The following VPS8 variants were observed in gnomAD, a reference collection of about 807,000 sequenced individuals.
VPS8 encodes VPS8 subunit of CORVET complex, also known as vacuolar protein sorting-associated protein 8 homolog.
In VPS8, 129 loss-of-function variants were observed where a neutral mutation model predicts 216.4. The ratio of observed to expected loss-of-function variants is 0.60; its 90% CI spans 0.52 to 0.69. The LOEUF is 0.69. VPS8 is among the 30% of genes least tolerant of loss of function. The probability of loss-of-function intolerance (pLI) is 0.00; values close to 1 mark genes in which losing one functional copy is unlikely to be tolerated. For missense variants in VPS8, 1,531 were observed against 1,683.5 expected (o/e 0.91, Z 1.59); for synonymous variants, 571 against 565.4 (o/e 1.01, Z -0.14).
At chr3:184,882,245 C>T (rs1356382422) in intron 21 of VPS8, 12 of 356,612 alleles carry the variant, frequency 3.4e-5, no homozygotes, top group East Asian at 1.5e-4. Flanking sequence ...AGGAAGTTCC[C>T]CTCTATTACA....
intron 46 of VPS8, among the ~76,000 whole-genome samples, chr3:185,037,553 T>C (rs1759085037): frequency 6.6e-6 from 1 of 152,206 alleles, no homozygotes; most frequent in African/African-American, 2.4e-5. Flanking sequence ...TATTAAAATA[T>C]TTTCACTCTC....
chr3:184,819,779 A>G lies in VPS8; in HGVS notation c.-88-4766A>G, dbSNP rs1054321358. 3.9e-5 allele frequency among the ~76,000 whole-genome samples: 6 copies of G among 152,218 alleles called. No homozygotes were observed. The South Asian group carries it at 6.2e-4, about 16-fold the overall frequency. The stretch of plus-strand genomic sequence containing the variant: ...TCTGAGTACAACTTGTGACTCCCCA[A>G]AAACTTTACTACTACTACCTACTGT... On this transcript the variant is annotated intron_variant, in intron 1 of 47. Coordinates refer to ENST00000625842, the MANE Select transcript of VPS8 (RefSeq NM_001009921.3).
At chr3:184,958,385 CA>C (rs954644054) in intron 37 of VPS8, among the ~76,000 whole-genome samples, 2 of 152,018 alleles carry the variant, frequency 1.3e-5, no homozygotes, top group African/African-American at 4.8e-5. Flanking sequence ...TCTATAGAAA[CA>C]AAAAGGAAAC....
In VPS8 at chr3:184,999,804, A is replaced by G. The variant is rs974896093; in HGVS notation, c.3945A>G (p.Val1315=). The G allele has an allele frequency of 2.5e-6, 4 of 1,612,616 alleles. No homozygotes were observed. The African/African-American group carries it at 5.3e-5, about 22-fold the overall frequency. The change falls in exon 45 of 48, where the codon GTA becomes GTG. Residue 1315 remains valine, a synonymous_variant. Coordinates refer to ENST00000625842, the MANE Select transcript of VPS8 (RefSeq NM_001009921.3). ...TCYKCSSSNK[V]GKLSENSSEI... ...ACAAATGCAGTTCAAGTAACAAAGT[A>G]GGAAAACTCAGTGAAAATTCATCTG...
intron 46 of VPS8, among the ~76,000 whole-genome samples, chr3:185,024,741 G>T (rs982503425): frequency 1.3e-5 from 2 of 152,180 alleles, no homozygotes; most frequent in Admixed American, 6.5e-5. Context: ...AGAGGCTCAT[G>T]CCTGTAATCC....
intron 7 of VPS8, among the ~76,000 whole-genome samples, chr3:184,841,860 C>T (rs1278462201): frequency 6.6e-6 from 1 of 152,044 alleles, no homozygotes; most frequent in Non-Finnish European, 1.5e-5. Flanking sequence ...AATGCTGAAT[C>T]CTGTATAAGT....
intron 42 of VPS8, among the ~76,000 whole-genome samples, chr3:184,990,080 A>G (rs1379677649): frequency 2.0e-5 from 3 of 152,142 alleles, no homozygotes; most frequent in Non-Finnish European, 2.9e-5. Flanking sequence ...ACAAAAAAAA[A>G]GAAAAAAGAA....
At chr3:184,829,470 C>A (rs909959749) in intron 3 of VPS8, among the ~76,000 whole-genome samples, 5 of 152,140 alleles carry the variant, frequency 3.3e-5, no homozygotes, top group Middle Eastern at 3.2e-3. Context: ...CCTGCCTTGG[C>A]CCCCCAGAGT....
chr3:184,815,748 G>A (rs1022654614), intron 1 of VPS8: 1 of 151,384 alleles, frequency 6.6e-6, no homozygotes, highest in African/African-American at 2.4e-5. Context: ...TGGCAGTGGT[G>A]CTGGGGTGTT....
chr3:184,978,422 TTTTG>T (rs1261854539), intron 40 of VPS8, among the ~76,000 whole-genome samples: 3 of 152,014 alleles, frequency 2.0e-5, no homozygotes, highest in East Asian at 3.9e-4. Flanking sequence ...TTCCTTCTTT[TTTTG>T]TTTTTGAGGC....
At chr3:184,835,451 A>G (rs545692550) in intron 5 of VPS8, among the ~76,000 whole-genome samples, 1 of 152,280 alleles carries the variant, frequency 6.6e-6, no homozygotes, top group South Asian at 2.1e-4. Flanking sequence ...CACTGGGTTA[A>G]TGTAAACGAT....
At chr3:184,869,420 A>G (rs1727940009) in intron 19 of VPS8, 62 bp from the exon 20 acceptor site, 2 of 1,501,266 alleles carry the variant, frequency 1.3e-6, no homozygotes, top group South Asian at 2.3e-5. Flanking sequence ...AACCAGACAT[A>G]GTTTCACTCC....
rs573447277 is a variant in VPS8 at position 185,010,549 on chromosome 3, A to G, written c.4002+10688A>G. ...GTCAAATGGAAATATGGAAGTTACA[A>G]AGAACCAGTAGAACATCTAGAGATT... On this transcript the variant is annotated intron_variant, in intron 45 of 47. Coordinates refer to ENST00000625842, the MANE Select transcript of VPS8 (RefSeq NM_001009921.3). 3.3e-5 allele frequency among the ~76,000 whole-genome samples: 5 copies of G among 152,332 alleles called. No individual in the cohort carries two copies. In the South Asian group the frequency reaches 8.3e-4, roughly 25 times the overall value.
chr3:184,943,802 T>C (rs1386608847), intron 36 of VPS8, among the ~76,000 whole-genome samples: 2 of 152,216 alleles, frequency 1.3e-5, no homozygotes, highest in Non-Finnish European at 2.9e-5. Flanking sequence ...GCATATTTAA[T>C]TTAACATTTA....
At chr3:184,826,079 T>C (rs1718702840) in intron 2 of VPS8, 84 bp from the exon 3 acceptor site, 2 of 912,066 alleles carry the variant, frequency 2.2e-6, no homozygotes, top group Non-Finnish European at 3.3e-6. Context: ...TTTTAATTGA[T>C]GGTGGTTTTA....
chr3:184,945,591 T>C (rs890608359), intron 36 of VPS8, among the ~76,000 whole-genome samples: 23 of 152,172 alleles, frequency 1.5e-4, no homozygotes, highest in African/African-American at 5.6e-4. Context: ...CTGTCTCTTA[T>C]ATGTGATTTT....
At chr3:184,939,029 CAAA>C (rs201525906) in intron 35 of VPS8, among the ~76,000 whole-genome samples, 9 of 53,426 alleles carry the variant, frequency 1.7e-4, no homozygotes, top group Non-Finnish European at 2.5e-4. Flanking sequence ...GACCCTGTCT[CAAA>C]AAAAAAAAAA....
At chr3:184,907,885 CAA>C (rs1355646095) in intron 25 of VPS8, among the ~76,000 whole-genome samples, 1 of 152,154 alleles carries the variant, frequency 6.6e-6, no homozygotes, top group Admixed American at 6.5e-5. Context: ...CACAGAGCTG[CAA>C]AGTCAGCCAT....
chr3:184,901,280 C>T (rs188091689), intron 25 of VPS8: 8 of 273,790 alleles, frequency 2.9e-5, no homozygotes, highest in African/African-American at 1.6e-4. Flanking sequence ...ATTTCTTTCA[C>T]TTTACGTGGA....
Sources: gnomAD v4.1 joint callset for allele counts (sites outside exome capture counted in the v4.1 genomes callset) on GRCh38, gnomAD v4.1.1 for gene constraint, MANE v1.5 for transcripts, NCBI Gene and HGNC (gene_info 2026-07-23, HGNC 2026-07-21) for gene names.